The following STON2 variants were observed in gnomAD, a reference collection of about 807,000 sequenced individuals.
The protein encoded by STON2 is stonin-2.
STON2 carries 29 observed loss-of-function variants against 65.7 expected under a neutral mutation model. The observed-to-expected ratio is 0.44, with a 90% CI of 0.33 to 0.60. The LOEUF (loss-of-function observed/expected upper bound fraction) is 0.60. STON2 is among the 20% of genes least tolerant of loss of function. The probability of loss-of-function intolerance (pLI) is 0.03; values close to 1 mark genes in which losing one functional copy is unlikely to be tolerated. For missense variants in STON2, 1,054 were observed against 1,118.1 expected, an observed-to-expected ratio of 0.94 and a Z score of 0.82; for synonymous variants, 404 against 414.2, an observed-to-expected ratio of 0.98 and a Z score of 0.30.
chr14:81,366,135 C>T (rs10143138), intron 4 of STON2, among the ~76,000 whole-genome samples: 76,272 of 152,134 alleles, frequency 0.5, 19,625 homozygotes, highest in East Asian at 0.73. Context: ...CTCTGCCCCC[C>T]CGCACCCTGT....
At position 81,393,629 on chromosome 14, in the gene STON2, T is replaced by C. The variant is rs182806849; in HGVS notation, c.373+2265A>G. On this transcript the variant is annotated intron_variant, in intron 3 of 7. Transcript: ENST00000614646. ...ATTAATACCTTCCTCATACAATTGT[T>C]GTAAGGAGTACATGATATGAAGTAG... 3.5e-4 allele frequency among the ~76,000 whole-genome samples: 53 copies of C among 152,296 alleles called. No individual in the cohort carries two copies. The East Asian group carries it at 5.8e-3, about 17-fold the overall frequency.
rs1172746811 is a variant in STON2, at chr14:81,261,209, T to G, written c.*7205A>C. 1.3e-5 allele frequency: 2 copies of G among 152,252 alleles called. No homozygotes were observed. Among genetic ancestry groups the G allele is most frequent in the African/African-American group, 4.8e-5 (2 of 41,448 alleles). 9.4% of individuals were successfully genotyped at this position (152,252 alleles called of 1,614,324 possible). On this transcript the variant is annotated 3_prime_UTR_variant, in exon 8 of 8. Transcript: ENST00000614646. ...CTATACATCTGCTTTCCCACAATGC[T>G]CTGGTAGAATACCACTGGGGTTGCT...
chr14:81,411,913 A>C (rs2139862218), intron 2 of STON2, among the ~76,000 whole-genome samples: 1 of 141,812 alleles, frequency 7.1e-6, no homozygotes, highest in South Asian at 2.3e-4. Flanking sequence ...GATGTCTCTG[A>C]AGAGGTGACA....
chr14:81,300,114 A>G (rs1895914573), intron 5 of STON2, among the ~76,000 whole-genome samples: 1 of 152,136 alleles, frequency 6.6e-6, no homozygotes, highest in Non-Finnish European at 1.5e-5. Flanking sequence ...AAGTTAATGG[A>G]ACAAAATGAA....
At chr14:81,426,476 C>G (rs1325893536) in intron 2 of STON2, among the ~76,000 whole-genome samples, 4 of 152,182 alleles carry the variant, frequency 2.6e-5, no homozygotes, top group African/African-American at 4.8e-5. Context: ...AGGGACCCCC[C>G]ACACAGATGC....
intron 1 of STON2, among the ~76,000 whole-genome samples, chr14:81,430,275 T>C (rs934742402): frequency 1.2e-4 from 19 of 152,246 alleles, no homozygotes; most frequent in Admixed American, 5.9e-4. Context: ...ATTGATTTTA[T>C]ATAAATATTA....
chr14:81,404,178 A>G (rs1374039467), upstream of STON2, among the ~76,000 whole-genome samples: 2 of 152,222 alleles, frequency 1.3e-5, no homozygotes, highest in South Asian at 2.1e-4. Context: ...AAATCTAGAT[A>G]TAGGGAAATA....
chr14:81,387,620 G>A (rs111467020), intron 3 of STON2, among the ~76,000 whole-genome samples: 1,632 of 152,078 alleles, frequency 0.011, 29 homozygotes, highest in South Asian at 0.044. Flanking sequence ...CAGGCGTGGT[G>A]GCTCACGCCT....
In STON2 at chr14:81,412,226, G is replaced by A. The variant is rs1049531666; in HGVS notation, c.-198-13646C>T. Among the ~76,000 whole-genome samples the A allele has an allele frequency of 1.4e-5, 2 of 139,490 alleles. 1 individual carries two copies. The highest frequency in any genetic ancestry group is 5.1e-4 in the East Asian group (2 of 3,946). The allele number at this position is 139,490 out of a possible 152,430, so 91.5% of individuals were successfully genotyped here. On this transcript the variant is annotated intron_variant, in intron 2 of 8. Transcript: ENST00000553821. ...CAACAAAATTTGATTTGCCTTTTTCGAAACTCAGCAAAGAAGAGAATGGAA... is the reference window on the plus strand; with the variant it reads ...CAACAAAATTTGATTTGCCTTTTTCAAAACTCAGCAAAGAAGAGAATGGAA...
chr14:81,312,394 C>A (rs529354083), intron 5 of STON2, among the ~76,000 whole-genome samples: 1 of 152,350 alleles, frequency 6.6e-6, no homozygotes, highest in African/African-American at 2.4e-5. Context: ...CTCTTATCTA[C>A]ACCTGTCTTC....
chr14:81,383,000 T>G (rs918964983), intron 3 of STON2, among the ~76,000 whole-genome samples: 1 of 152,186 alleles, frequency 6.6e-6, no homozygotes, highest in Non-Finnish European at 1.5e-5. Context: ...GCCACAAGCT[T>G]AGCTGAAAGA....
At position 81,278,064 on chromosome 14, in the gene STON2, G is replaced by A. The variant is rs772777906; in HGVS notation, c.1418C>T (p.Pro473Leu). 54 of 1,614,034 alleles carry A rather than the reference G, an allele frequency of 3.3e-5. No individual in the cohort carries two copies. The highest frequency in any genetic ancestry group is 2.1e-4 in the South Asian group (19 of 91,072). Residue 473 changes from proline (P) to leucine (L), a missense_variant, in exon 6 of 8, where the codon CCG becomes CTG. By Grantham distance (98) the Pro-to-Leu change is moderately conservative. Transcript: ENST00000614646. ...PVAWIELDAH[P>L]PGSARSQPRD... Reference sequence around the variant, plus strand: ...AGGCTGGGACCGTGCTGATCCAGGCGGGTGAGCATCTAGTTCAATCCAGGC... The same window carrying A: ...AGGCTGGGACCGTGCTGATCCAGGCAGGTGAGCATCTAGTTCAATCCAGGC...
At chr14:81,298,191 A>G (rs1895835316) in intron 5 of STON2, among the ~76,000 whole-genome samples, 1 of 152,212 alleles carries the variant, frequency 6.6e-6, no homozygotes, top group East Asian at 1.9e-4. Context: ...CCAGCGATGA[A>G]GCCTATTCTA....
At chr14:81,385,358 C>T (rs937013839) in intron 3 of STON2, among the ~76,000 whole-genome samples, 2 of 152,132 alleles carry the variant, frequency 1.3e-5, no homozygotes, top group African/African-American at 4.8e-5. Flanking sequence ...AAAACTATTG[C>T]TTTTAAATGT....
chr14:81,399,974 C>A (rs1457298983), intron 1 of STON2, among the ~76,000 whole-genome samples: 1 of 152,164 alleles, frequency 6.6e-6, no homozygotes, highest in Non-Finnish European at 1.5e-5. Context: ...ACCCTTGAGC[C>A]CAGGTCTTCT....
intron 4 of STON2, among the ~76,000 whole-genome samples, chr14:81,340,087 G>A (rs1446913644): frequency 6.6e-6 from 1 of 152,340 alleles, no homozygotes; most frequent in Admixed American, 6.5e-5. Context: ...CCGGGGGATG[G>A]AGCCTGCAGT....
intron 4 of STON2, among the ~76,000 whole-genome samples, chr14:81,343,213 T>C (rs1566918204): frequency 6.6e-6 from 1 of 152,184 alleles, no homozygotes; most frequent in South Asian, 2.1e-4. Context: ...ATTGGATTGA[T>C]ATATGCCAAA....
chr14:81,379,867 T>G (rs1899429974), intron 3 of STON2, among the ~76,000 whole-genome samples: 1 of 152,164 alleles, frequency 6.6e-6, no homozygotes, highest in Non-Finnish European at 1.5e-5. Flanking sequence ...AAGGCTTAAA[T>G]GTAAAACATG....
intron 3 of STON2, among the ~76,000 whole-genome samples, chr14:81,392,521 G>A (rs962958509): frequency 2.0e-5 from 3 of 152,120 alleles, no homozygotes; most frequent in Non-Finnish European, 4.4e-5. Context: ...GAAAATTCCT[G>A]CAACACCAGG....
Sources: gnomAD v4.1 joint callset for allele counts (sites outside exome capture counted in the v4.1 genomes callset) on GRCh38, gnomAD v4.1.1 for gene constraint, MANE v1.5 for transcripts, NCBI Gene and HGNC (gene_info 2026-07-23, HGNC 2026-07-21) for gene names.